CSMD1: variants seen among roughly 807,000 people sequenced by gnomAD.
CSMD1 encodes the protein CUB and Sushi multiple domains 1, also known as CUB and sushi domain-containing protein 1.
Under a neutral mutation model 417.5 loss-of-function variants are expected in CSMD1, and 213 were observed. The observed-to-expected ratio is 0.51, with a 90% CI of 0.46 to 0.57. The LOEUF is 0.57. CSMD1 is among the 20% of genes least tolerant of loss of function. The pLI is 0.00. For synonymous variants in CSMD1, 2,862 were observed against 1,736.8 expected, an observed-to-expected ratio of 1.65 and a Z score of -16.11; for missense variants, 6,923 against 4,529.7, an observed-to-expected ratio of 1.53 and a Z score of -15.17.
intron 1 of CSMD1, among the ~76,000 whole-genome samples, chr8:4,739,706 G>C (rs1010563027): frequency 2.0e-5 from 3 of 152,130 alleles, no homozygotes; most frequent in African/African-American, 7.2e-5. Flanking sequence ...TTTGTGTCTA[G>C]CACTTTACTA....
intron 3 of CSMD1, among the ~76,000 whole-genome samples, chr8:4,118,417 A>T (rs1180572739): frequency 6.6e-6 from 1 of 152,246 alleles, no homozygotes; most frequent in South Asian, 2.1e-4. Flanking sequence ...AAAAAAAATC[A>T]AAAAGTATAC....
chr8:4,940,451 T>C (rs1216562315), intron 1 of CSMD1, among the ~76,000 whole-genome samples: 1 of 152,214 alleles, frequency 6.6e-6, no homozygotes, highest in Non-Finnish European at 1.5e-5. Flanking sequence ...TAATTATAAA[T>C]ATACAAGAGT....
intron 10 of CSMD1, among the ~76,000 whole-genome samples, chr8:3,521,248 C>A (rs1797496394): frequency 6.6e-6 from 1 of 152,186 alleles, no homozygotes; most frequent in Non-Finnish European, 1.5e-5. Context: ...CTGATTTCCC[C>A]AGGGATTCGT....
At chr8:4,092,135 G>A (rs546877938) in intron 3 of CSMD1, among the ~76,000 whole-genome samples, 2 of 152,110 alleles carry the variant, frequency 1.3e-5, no homozygotes, top group South Asian at 2.1e-4. Context: ...CTTAAGAGAA[G>A]AAAATTTTTC....
At chr8:4,360,684 AG>A (rs909734010) in intron 3 of CSMD1, among the ~76,000 whole-genome samples, 9 of 152,024 alleles carry the variant, frequency 5.9e-5, no homozygotes, top group African/African-American at 2.2e-4. Flanking sequence ...TAGTGGACAC[AG>A]GGTTTCAACA....
At chr8:3,841,942 G>C (rs1803164761) in intron 5 of CSMD1, among the ~76,000 whole-genome samples, 1 of 152,056 alleles carries the variant, frequency 6.6e-6, no homozygotes, top group Non-Finnish European at 1.5e-5. Flanking sequence ...CCTCCAAAAA[G>C]AAAAGGAAAG....
At chr8:4,776,588 G>A (rs957849771) in intron 1 of CSMD1, among the ~76,000 whole-genome samples, 1 of 152,074 alleles carries the variant, frequency 6.6e-6, no homozygotes, top group African/African-American at 2.4e-5. Context: ...CTGCATAAAC[G>A]TTCGCGTTCA....
chr8:3,302,418 C>T (rs903958466), intron 25 of CSMD1, among the ~76,000 whole-genome samples: 1 of 152,208 alleles, frequency 6.6e-6, no homozygotes, highest in African/African-American at 2.4e-5. Context: ...CTCCGCACAG[C>T]AGTGGCAATG....
At chr8:3,409,273 A>G (rs1361337593) in intron 13 of CSMD1, 150 bp downstream of exon 13, 17 of 561,878 alleles carry the variant, frequency 3.0e-5, no homozygotes, top group Non-Finnish European at 4.2e-5. Context: ...GGTGTTCGAG[A>G]ACGTCCTTGC....
chr8:4,063,631 G>C (rs1799094901), intron 3 of CSMD1, among the ~76,000 whole-genome samples: 1 of 152,220 alleles, frequency 6.6e-6, no homozygotes, highest in Non-Finnish European at 1.5e-5. Flanking sequence ...GCTTCCAGCA[G>C]TGGACACATC....
At chr8:4,276,907 G>C (rs919546660) in intron 3 of CSMD1, among the ~76,000 whole-genome samples, 12 of 152,080 alleles carry the variant, frequency 7.9e-5, no homozygotes, top group Non-Finnish European at 1.3e-4. Flanking sequence ...ATATGTAATA[G>C]AGTACTGGAA....
rs184841780 is a variant in CSMD1 at position 4,554,098 on chromosome 8, C to A, written c.302+83244G>T. On this transcript the variant is annotated intron_variant, in intron 2 of 69. Coordinates refer to ENST00000635120, the MANE Select transcript of CSMD1 (RefSeq NM_033225.6). ...AGGTTTTTAATATTGTGTGTAAATT[C>A]AACATATTTATTATATTAGTCACTT... Among the ~76,000 whole-genome samples the A allele has an allele frequency of 4.6e-5, 7 of 152,206 alleles. No individual in the cohort carries two copies. In the East Asian group the frequency reaches 1.4e-3, roughly 29 times the overall value.
chr8:3,934,404 C>T lies in CSMD1; in HGVS notation c.818+63499G>A, dbSNP rs373758741. Among the ~76,000 whole-genome samples, 57 of 152,230 alleles carry T rather than the reference C, an allele frequency of 3.7e-4. No homozygotes were observed. The South Asian group carries it at 1.0e-2, about 27-fold the overall frequency. On this transcript the variant is annotated intron_variant, in intron 5 of 69. Transcript: ENST00000635120. ...TTTTTCATCTTGTATTCATTGAAAT[C>T]AGTAATGAACACCGGTAGTAATTGT...
chr8:4,658,971 G>A (rs1377345200), intron 1 of CSMD1, among the ~76,000 whole-genome samples: 2 of 152,136 alleles, frequency 1.3e-5, no homozygotes, highest in Non-Finnish European at 1.5e-5. Flanking sequence ...TAATGTCTGT[G>A]GTAACCACGA....
chr8:3,188,822 T>C (rs1796244334), intron 35 of CSMD1, 65 bp downstream of exon 35: 1 of 1,337,378 alleles, frequency 7.5e-7, no homozygotes, highest in South Asian at 2.1e-5. Context: ...AACAAAAGAA[T>C]GAAAGAAAGA....
chr8:4,925,367 C>T (rs908970097), intron 1 of CSMD1, among the ~76,000 whole-genome samples: 2 of 151,502 alleles, frequency 1.3e-5, no homozygotes, highest in Non-Finnish European at 1.5e-5. Context: ...TGAAACCTGA[C>T]ATTTCTTTAG....
intron 3 of CSMD1, among the ~76,000 whole-genome samples, chr8:4,076,057 G>T (rs1222079769): frequency 1.3e-5 from 2 of 152,044 alleles, no homozygotes; most frequent in East Asian, 1.9e-4. Context: ...ATATGGTTTG[G>T]CTGTGTCCCC....
chr8:3,581,425 G>A (rs1775932308), intron 9 of CSMD1, among the ~76,000 whole-genome samples: 1 of 152,244 alleles, frequency 6.6e-6, no homozygotes, highest in Non-Finnish European at 1.5e-5. Context: ...AGGTAATGTT[G>A]CCCCCCGTTC....
At chr8:3,048,948 A>G (rs1019401303) in intron 50 of CSMD1, among the ~76,000 whole-genome samples, 8 of 152,068 alleles carry the variant, frequency 5.3e-5, no homozygotes, top group Non-Finnish European at 1.0e-4. Context: ...TCATGAAAAA[A>G]GACAAACAGA....
Sources: allele counts gnomAD v4.1 joint callset (sites outside exome capture counted in the v4.1 genomes callset), GRCh38; gene constraint gnomAD v4.1.1; transcripts MANE v1.5; gene names NCBI Gene and HGNC (gene_info 2026-07-23, HGNC 2026-07-21).